The following PPP2R1A variants were observed in gnomAD, a reference collection of about 807,000 sequenced individuals.
PPP2R1A encodes the protein protein phosphatase 2 scaffold subunit Aalpha.
PPP2R1A carries 15 observed loss-of-function variants against 67.1 expected under a neutral mutation model. The observed-to-expected ratio is 0.22, with a 90% CI of 0.15 to 0.34. The LOEUF is 0.34. Ranked by LOEUF, PPP2R1A falls within the 10% of genes least tolerant of loss-of-function variation. The probability of loss-of-function intolerance (pLI) is 1.00; values close to 1 mark genes in which losing one functional copy is unlikely to be tolerated. For synonymous variants in PPP2R1A, 337 were observed against 325.0 expected (o/e 1.04, Z -0.40); for missense variants, 369 against 775.0 (o/e 0.48, Z 6.22).
chr19:52,199,980 C>CTCCT (rs1172890248), intron 1 of PPP2R1A, among the ~76,000 whole-genome samples: 1 of 152,226 alleles, frequency 6.6e-6, no homozygotes, highest in Non-Finnish European at 1.5e-5. Context: ...GAGACCATCA[C>CTCCT]AACACTTCAT....
chr19:52,191,633 A>G (rs2089455385), intron 1 of PPP2R1A, among the ~76,000 whole-genome samples: 1 of 152,136 alleles, frequency 6.6e-6, no homozygotes, highest in African/African-American at 2.4e-5. Context: ...ACTGATTGAC[A>G]AGGGCAAGTT....
chr19:52,207,944 A>G (rs931138362), intron 3 of PPP2R1A, among the ~76,000 whole-genome samples: 16 of 152,246 alleles, frequency 1.1e-4, no homozygotes, highest in African/African-American at 3.8e-4. Context: ...TTGTCAGGGA[A>G]GGCTTCCTGG....
At chr19:52,192,641 T>A (rs1392013961) in intron 1 of PPP2R1A, among the ~76,000 whole-genome samples, 8 of 152,064 alleles carry the variant, frequency 5.3e-5, no homozygotes, top group Non-Finnish European at 1.2e-4. Context: ...AACTCCAGGA[T>A]CACTTCCTTC....
chr19:52,193,292 T>C (rs2089470678), intron 1 of PPP2R1A, among the ~76,000 whole-genome samples: 1 of 152,208 alleles, frequency 6.6e-6, no homozygotes, highest in African/African-American at 2.4e-5. Flanking sequence ...ATGCCAGACA[T>C]TTTAATTGTG....
chr19:52,209,146 A>G (rs1447999983), intron 3 of PPP2R1A, among the ~76,000 whole-genome samples: 1 of 152,162 alleles, frequency 6.6e-6, no homozygotes, highest in African/African-American at 2.4e-5. Flanking sequence ...AGTAACCTAC[A>G]GGAGAAGAGA....
chr19:52,192,646 T>C (rs112350009), intron 1 of PPP2R1A, among the ~76,000 whole-genome samples: 1 of 152,102 alleles, frequency 6.6e-6, no homozygotes, highest in African/African-American at 2.4e-5. Context: ...CAGGATCACT[T>C]CCTTCAGCTA....
intron 1 of PPP2R1A, among the ~76,000 whole-genome samples, chr19:52,195,571 C>T (rs1053684980): frequency 4.6e-5 from 7 of 152,206 alleles, no homozygotes; most frequent in Admixed American, 3.9e-4. Flanking sequence ...AGTTGCCATT[C>T]TGGGTCGTCA....
intron 3 of PPP2R1A, among the ~76,000 whole-genome samples, chr19:52,208,096 G>A (rs780947570): frequency 6.6e-6 from 1 of 152,146 alleles, no homozygotes; most frequent in South Asian, 2.1e-4. Flanking sequence ...CCCGGCCCTT[G>A]CTCTCAGCAG....
At position 52,213,379 on chromosome 19, in the gene PPP2R1A, C is replaced by T. The variant is rs1349611789; in HGVS notation, c.807+269C>T. Among the ~76,000 whole-genome samples the T allele has an allele frequency of 1.3e-5, 2 of 148,958 alleles. No individual in the cohort carries two copies. Among genetic ancestry groups the T allele is most frequent in the South Asian group, 2.1e-4 (1 of 4,682 alleles). Reference sequence around the variant, plus strand: ...GCCACAGGAGCAGAGAAGGGTAGCACATGTGGGGTGTTCCTGACATAATCA... The same window carrying T: ...GCCACAGGAGCAGAGAAGGGTAGCATATGTGGGGTGTTCCTGACATAATCA... On this transcript the variant is annotated intron_variant, in intron 6 of 14. Coordinates refer to ENST00000322088, the MANE Select transcript of PPP2R1A (RefSeq NM_014225.6). This position sits in a 1 kb window ranked among gnomAD's most constrained non-coding sequence, Gnocchi z 4.2.
chr19:52,192,512 C>T (rs113950562), intron 1 of PPP2R1A, among the ~76,000 whole-genome samples: 77 of 152,128 alleles, frequency 5.1e-4, no homozygotes, highest in African/African-American at 1.6e-3. Flanking sequence ...CTGGGTTTCC[C>T]GGTGTTGGCC....
chr19:52,219,961 G>A lies in PPP2R1A; in HGVS notation c.1302+97G>A, dbSNP rs1043644033. ...GGAAACGGGGCTTTGAAGGCTTAGT[G>A]GAGGCTGTGACAACTGCCTGGGGAG... On this transcript the variant is annotated intron_variant, in intron 10 of 14. Transcript: ENST00000322088. This position sits in a 1 kb window ranked among gnomAD's most constrained non-coding sequence, Gnocchi z 4.0. 6.9e-7 allele frequency: 1 copy of A among 1,442,426 alleles called. No individual in the cohort carries two copies. Among genetic ancestry groups the A allele is most frequent in the African/African-American group, 1.4e-5 (1 of 70,822 alleles). The allele number at this position is 1,442,426 out of a possible 1,614,324, so 89.4% of individuals were successfully genotyped here.
At chr19:52,191,704 G>A (rs1189772578) in intron 1 of PPP2R1A, among the ~76,000 whole-genome samples, 12 of 152,260 alleles carry the variant, frequency 7.9e-5, no homozygotes, top group African/African-American at 2.9e-4. Context: ...CTAGTTCATA[G>A]GGCGGTTGTA....
rs530462369 is a variant in PPP2R1A, at chr19:52,224,956, G to A, written c.1662-761G>A. Among the ~76,000 whole-genome samples the A allele has an allele frequency of 1.7e-4, 25 of 150,252 alleles. No individual in the cohort carries two copies. In the South Asian group the frequency reaches 4.0e-3, roughly 24 times the overall value. ...CCTCAAGTGGTCTGCCCACCTTGGCGTCCCAAAGTGCTAGGATTACAGGCT... is the reference window on the plus strand; with the variant it reads ...CCTCAAGTGGTCTGCCCACCTTGGCATCCCAAAGTGCTAGGATTACAGGCT... On this transcript the variant is annotated intron_variant, in intron 13 of 14. Transcript: ENST00000322088.
In PPP2R1A at chr19:52,225,761, A is replaced by G. The variant is rs750082862; in HGVS notation, c.1706A>G (p.Gln569Arg). 3.1e-6 allele frequency: 5 copies of G among 1,614,220 alleles called. No individual in the cohort carries two copies. Among genetic ancestry groups the G allele is most frequent in the Non-Finnish European group, 2.5e-6 (3 of 1,180,046 alleles). Reference protein sequence around the residue: ...EVKPILEKLTQDQDVDVKYFA... With the variant: ...EVKPILEKLTRDQDVDVKYFA... Reference sequence around the variant, plus strand: ...AAGCCCATCCTAGAGAAGCTGACCCAGGACCAGGATGTGGACGTCAAATAC... The same window carrying G: ...AAGCCCATCCTAGAGAAGCTGACCCGGGACCAGGATGTGGACGTCAAATAC... Residue 569 changes from glutamine to arginine, a missense_variant, in exon 14 of 15, where the codon CAG (glutamine) becomes CGG (arginine). By Grantham distance (43) the Gln-to-Arg change is conservative. Coordinates refer to ENST00000322088, the MANE Select transcript of PPP2R1A (RefSeq NM_014225.6).
chr19:52,220,966 C>T lies in PPP2R1A; in HGVS notation c.1364-13C>T. 1 of 1,613,996 alleles carries T rather than the reference C, an allele frequency of 6.2e-7. No individual in the cohort carries two copies. The highest frequency in any genetic ancestry group is 2.2e-5 in the East Asian group (1 of 44,880). On this transcript the variant is annotated splice_polypyrimidine_tract_variant and intron_variant, in intron 11 of 14. Coordinates refer to ENST00000322088, the MANE Select transcript of PPP2R1A (RefSeq NM_014225.6). ...TCCAAATCCCTGTCTCTCTCACCCT[C>T]ACCCTTCTGCAGTATATGCCATCCG...
chr19:52,194,601 A>G (rs1195266251), intron 1 of PPP2R1A, among the ~76,000 whole-genome samples: 1 of 151,600 alleles, frequency 6.6e-6, no homozygotes, highest in Non-Finnish European at 1.5e-5. Context: ...TACAGTCAGG[A>G]CATGTTGAGG....
intron 1 of PPP2R1A, among the ~76,000 whole-genome samples, chr19:52,196,842 C>T (rs1251525959): frequency 6.6e-6 from 1 of 152,076 alleles, no homozygotes; most frequent in Non-Finnish European, 1.5e-5. Flanking sequence ...CTGCCGAAGC[C>T]CCAACCATTA....
chr19:52,226,363 T>G lies in PPP2R1A; in HGVS notation c.*382T>G, dbSNP rs374801536. ...TTTTTGTGTGTCAACTGTGCCGTTT[T>G]TATTTTATTCCTTTTATTTTCCCCC... On this transcript the variant is annotated 3_prime_UTR_variant, in exon 15 of 15. Coordinates refer to ENST00000322088, the MANE Select transcript of PPP2R1A (RefSeq NM_014225.6). 1 of 349,196 alleles carries G rather than the reference T, an allele frequency of 2.9e-6. No homozygotes were observed. Among genetic ancestry groups the G allele is most frequent in the Non-Finnish European group, 5.2e-6 (1 of 191,358 alleles). The allele number at this position is 349,196 out of a possible 1,614,324, so 21.6% of individuals were successfully genotyped here.
intron 1 of PPP2R1A, among the ~76,000 whole-genome samples, chr19:52,190,509 C>G (rs2089443947): frequency 6.6e-6 from 1 of 152,238 alleles, no homozygotes; most frequent in South Asian, 2.1e-4. Context: ...GCGGCGGCCT[C>G]TGAATGGCCT....
Sources: gnomAD v4.1 joint callset for allele counts (sites outside exome capture counted in the v4.1 genomes callset) on GRCh38, gnomAD v4.1.1 for gene constraint, Gnocchi (gnomAD v3.1) non-coding constraint, MANE v1.5 for transcripts, NCBI Gene and HGNC (gene_info 2026-07-23, HGNC 2026-07-21) for gene names.